Variants in TRIM15 observed in about 807,000 individuals in gnomAD.
The protein encoded by TRIM15 is tripartite motif containing 15.
TRIM15 carries 35 observed loss-of-function variants against 35.8 expected under a neutral mutation model. The observed-to-expected ratio is 0.98, with a 90% CI of 0.75 to 1.30. The LOEUF is 1.30. Ranked by LOEUF, TRIM15 falls within the 50% of genes most tolerant of loss-of-function variation. The pLI is 0.00. For synonymous variants in TRIM15, 252 were observed against 249.8 expected (o/e 1.01, Z -0.08); for missense variants, 590 against 593.5 (o/e 0.99, Z 0.06).
intron 1 of TRIM15, among the ~76,000 whole-genome samples, 176 bp downstream of exon 1, chr6:30,164,241 G>A (rs1238435480): frequency 2.0e-5 from 3 of 152,152 alleles, no homozygotes; most frequent in Non-Finnish European, 2.9e-5. Flanking sequence ...TTGGATGTGT[G>A]GTAGTTCCTG....
chr6:30,169,693 T>C, intron 4 of TRIM15: 1 of 365,424 alleles, frequency 2.7e-6, no homozygotes, highest in Non-Finnish European at 5.3e-6. Flanking sequence ...TACACACATC[T>C]CTGGTTTCCT....
chr6:30,164,214 G>A, intron 1 of TRIM15, 149 bp downstream of exon 1: 1 of 1,167,674 alleles, frequency 8.6e-7, no homozygotes, highest in Non-Finnish European at 1.2e-6. Context: ...CCAGACTGAA[G>A]GCAGATAGGG....
Position 30,165,365 on chromosome 6 carries a change from G to A in TRIM15, c.381+1300G>A, listed in dbSNP as rs370503978. Among the ~76,000 whole-genome samples the A allele has an allele frequency of 7.4e-3, 1,131 of 152,220 alleles. 45 individuals carry two copies. The South Asian group carries it at 0.13, about 17-fold the overall frequency. ...AAGAACATGTGGTGTTTGGTTTTCT[G>A]TTCCTGTGTTAGTTTGCTGAGAATG... On this transcript the variant is annotated intron_variant, in intron 1 of 6. Coordinates refer to ENST00000376694, the MANE Select transcript of TRIM15 (RefSeq NM_033229.3).
chr6:30,163,770 T>C lies in TRIM15; in HGVS notation c.86T>C (p.Ile29Thr), dbSNP rs1381935993. 6.2e-7 allele frequency: 1 copy of C among 1,612,862 alleles called. No homozygotes were observed. Among genetic ancestry groups the C allele is most frequent in the Non-Finnish European group, 8.5e-7 (1 of 1,180,008 alleles). ...GGGCCGCTGGAGGATGCGGTGACCA[T>C]TCCCTGTGGACACACCTTCTGCCGG... is the stretch of plus-strand genomic sequence containing the variant. ...CAGPLEDAVTIPCGHTFCRLC... is the reference protein window; with the variant it reads ...CAGPLEDAVTTPCGHTFCRLC... Residue 29 changes from isoleucine (I) to threonine (T), a missense_variant, in exon 1 of 7, where the codon ATT becomes ACT. Ile to Thr is a moderately conservative substitution (Grantham distance 89). Transcript: ENST00000376694.
At chr6:30,165,755 C>T (rs1258333753) in intron 1 of TRIM15, among the ~76,000 whole-genome samples, 1 of 152,234 alleles carries the variant, frequency 6.6e-6, no homozygotes, top group African/African-American at 2.4e-5. Context: ...CACATCATCT[C>T]CAGCATCTGT....
intron 3 of TRIM15, 90 bp downstream of exon 3, chr6:30,168,620 A>G: frequency 1.6e-6 from 2 of 1,268,336 alleles, no homozygotes; most frequent in Non-Finnish European, 1.1e-6. Context: ...GAGAGGCAGG[A>G]AAGGGAAGTG....
chr6:30,167,323 C>T (rs1773676419), intron 2 of TRIM15, 52 bp downstream of exon 2: 1 of 1,473,262 alleles, frequency 6.8e-7, no homozygotes, highest in South Asian at 1.1e-5. Context: ...TCTTAAGAGA[C>T]TCTGGGGAAA....
intron 4 of TRIM15, chr6:30,169,897 C>T (rs538965862): frequency 1.3e-4 from 27 of 203,386 alleles, no homozygotes; most frequent in Non-Finnish European, 2.4e-4. Flanking sequence ...ACCCAGGGTC[C>T]ATGAATCAGG....
intron 6 of TRIM15, among the ~76,000 whole-genome samples, chr6:30,171,563 T>C (rs1774017224): frequency 6.6e-6 from 1 of 152,222 alleles, no homozygotes; most frequent in Non-Finnish European, 1.5e-5. Flanking sequence ...ATGCAGATTC[T>C]GATTTAGTAG....
At position 30,167,179 on chromosome 6, in the gene TRIM15, C is replaced by A. The variant is rs373372000; in HGVS notation, c.385C>A (p.Arg129Ser). 1 of 1,612,500 alleles carries A rather than the reference C, an allele frequency of 6.2e-7. No homozygotes were observed. Among genetic ancestry groups the A allele is most frequent in the Non-Finnish European group, 8.5e-7 (1 of 1,179,556 alleles). Reference protein sequence around the residue: ...LDEAIQPYRDRLRSRLEALST... With the variant: ...LDEAIQPYRDSLRSRLEALST... ...CCACCCATTCTTCTCCCCACAGGAT[C>A]GTCTCAGGAGTCGACTGGAAGCTCT... The change falls in exon 2 of 7, where the codon CGT (arginine) becomes AGT (serine). Residue 129 changes from arginine to serine, a missense_variant. Arg to Ser is a moderately radical substitution (Grantham distance 110, BLOSUM62 -1). Transcript: ENST00000376694.
At chr6:30,166,897 T>C (rs1443239798) in intron 1 of TRIM15, among the ~76,000 whole-genome samples, 1 of 152,208 alleles carries the variant, frequency 6.6e-6, no homozygotes, top group Non-Finnish European at 1.5e-5. Context: ...TGTAAATGTT[T>C]TCTGCTTTCC....
In TRIM15 at chr6:30,172,284, T is replaced by C. The variant is rs1063278; in HGVS notation, c.1333T>C (p.Ser445Pro). 6.2e-7 allele frequency: 1 copy of C among 1,612,726 alleles called. No homozygotes were observed. The highest frequency in any genetic ancestry group is 2.2e-5 in the East Asian group (1 of 44,894). ...CATCTTCACCTTCACTGCCTCTTTC[T>C]CCGGCAAAGTCTTCCCTTTCTTTGC... The part of the protein sequence containing the change: ...EPIFTFTASF[S>P]GKVFPFFAVW... Residue 445 changes from serine to proline, a missense_variant, in exon 7 of 7, where the codon TCC (serine) becomes CCC (proline). Ser to Pro is a moderately conservative substitution (Grantham distance 74, BLOSUM62 -1). Coordinates refer to ENST00000376694, the MANE Select transcript of TRIM15 (RefSeq NM_033229.3).
chr6:30,168,919 T>G (rs1422922767), intron 3 of TRIM15, among the ~76,000 whole-genome samples: 1 of 152,160 alleles, frequency 6.6e-6, no homozygotes, highest in Non-Finnish European at 1.5e-5. Context: ...GTTATGAATA[T>G]GTGATCCTGG....
At chr6:30,169,427 T>G in intron 4 of TRIM15, 164 bp downstream of exon 4, 2 of 799,850 alleles carry the variant, frequency 2.5e-6, no homozygotes, top group Non-Finnish European at 4.3e-6. Flanking sequence ...TCACTAAAGA[T>G]TTGCGTTCTA....
intron 4 of TRIM15, 33 bp from the exon 5 acceptor site, chr6:30,170,468 T>C (rs1773928267): frequency 6.6e-7 from 1 of 1,503,940 alleles, no homozygotes; most frequent in Non-Finnish European, 9.2e-7. Flanking sequence ...TTTTTGGAAT[T>C]TGGACCTAAC....
Position 30,169,278 on chromosome 6 carries a change from C to T in TRIM15, c.731+15C>T. On this transcript the variant is annotated intron_variant, in intron 4 of 6. Coordinates refer to ENST00000376694, the MANE Select transcript of TRIM15 (RefSeq NM_033229.3). The stretch of plus-strand genomic sequence containing the variant: ...AACCAGAGCAGGTAGGGCCCACTCC[C>T]CGGTCCTGCCTCCTTTTACTCAACA... The T allele has an allele frequency of 6.2e-7, 1 of 1,613,110 alleles. No individual in the cohort carries two copies. The highest frequency in any genetic ancestry group is 8.5e-7 in the Non-Finnish European group (1 of 1,180,008).
rs759745176 is a variant in TRIM15, at chr6:30,172,226, G to A, written c.1275G>A (p.Gln425=). 7 of 1,612,128 alleles carry A rather than the reference G, an allele frequency of 4.3e-6. No homozygotes were observed. In the East Asian group the frequency reaches 1.3e-4, roughly 31 times the overall value. ...VRVALDYEAG[Q]VTLHNAQTQE... ...TCGCCCTGGACTACGAGGCGGGGCA[G>A]GTGACCCTCCACAACGCCCAGACCC... The change falls in exon 7 of 7, where the codon CAG becomes CAA. Residue 425 remains glutamine (Q), a synonymous_variant. Transcript: ENST00000376694.
chr6:30,170,061 G>A (rs1483395730), intron 4 of TRIM15, among the ~76,000 whole-genome samples: 1 of 152,192 alleles, frequency 6.6e-6, no homozygotes, highest in Non-Finnish European at 1.5e-5. Flanking sequence ...GCTGGGACCA[G>A]AATCAGGAGT....
In TRIM15 at chr6:30,167,169, C is replaced by T. The variant is rs1361939946; in HGVS notation, c.382-7C>T. The T allele has an allele frequency of 1.2e-6, 2 of 1,611,202 alleles. No homozygotes were observed. Among genetic ancestry groups the T allele is most frequent in the Non-Finnish European group, 1.7e-6 (2 of 1,178,446 alleles). Reference sequence around the variant, plus strand: ...TCACCTCTATCCACCCATTCTTCTCCCCACAGGATCGTCTCAGGAGTCGAC... The same window carrying T: ...TCACCTCTATCCACCCATTCTTCTCTCCACAGGATCGTCTCAGGAGTCGAC... On this transcript the variant is annotated splice_region_variant and splice_polypyrimidine_tract_variant and intron_variant, in intron 1 of 6. Coordinates refer to ENST00000376694, the MANE Select transcript of TRIM15 (RefSeq NM_033229.3).
Sources: gnomAD v4.1 joint callset for allele counts (sites outside exome capture counted in the v4.1 genomes callset) on GRCh38, gnomAD v4.1.1 for gene constraint, MANE v1.5 for transcripts, NCBI Gene and HGNC (gene_info 2026-07-23, HGNC 2026-07-21) for gene names.